GAB2: variants seen among roughly 807,000 people sequenced by gnomAD.
The protein encoded by GAB2 is GRB2 associated binding protein 2.
GAB2 carries 26 observed loss-of-function variants against 65.5 expected under a neutral mutation model. The ratio of observed to expected loss-of-function variants is 0.40; its 90% CI spans 0.29 to 0.55. The LOEUF (loss-of-function observed/expected upper bound fraction) is 0.55, where lower values mean the gene tolerates loss of function less well. GAB2 is among the 20% of genes least tolerant of loss of function. GAB2 has a pLI of 0.53. For synonymous variants in GAB2, 321 were observed against 329.6 expected, an observed-to-expected ratio of 0.97 and a Z score of 0.28; for missense variants, 884 against 875.8, an observed-to-expected ratio of 1.01 and a Z score of -0.12.
In GAB2 at chr11:78,250,043, T is replaced by A. The variant is rs879618937; in HGVS notation, c.620+114A>T. ...AAATTATGTTTTGTCATAGACGTGT[T>A]TGTCTACCTGAAACGATATAATGTT... On this transcript the variant is annotated intron_variant, in intron 3 of 9. Coordinates refer to ENST00000361507, the MANE Select transcript of GAB2 (RefSeq NM_080491.3). 11 of 1,099,026 alleles carry A rather than the reference T, an allele frequency of 1.0e-5. No individual in the cohort carries two copies. In the Admixed American group the frequency reaches 2.0e-4, roughly 20 times the overall value. 68.1% of individuals were successfully genotyped at this position (1,099,026 alleles called of 1,614,324 possible). A position where few individuals can be genotyped will look rare whatever the true frequency, so the allele number is the denominator to read the frequency against.
intron 3 of GAB2, among the ~76,000 whole-genome samples, chr11:78,240,521 G>C (rs1865102532): frequency 6.6e-6 from 1 of 152,126 alleles, no homozygotes; most frequent in South Asian, 2.1e-4. Context: ...TCTCCCTGGG[G>C]AGTAGAGTCA....
At chr11:78,232,436 G>A (rs1460365868) in intron 3 of GAB2, among the ~76,000 whole-genome samples, 1 of 152,164 alleles carries the variant, frequency 6.6e-6, no homozygotes, top group Non-Finnish European at 1.5e-5. Context: ...AAGGCTGGAG[G>A]ACAAAAATAA....
At chr11:78,306,380 G>A (rs571601663) in intron 1 of GAB2, among the ~76,000 whole-genome samples, 9 of 152,204 alleles carry the variant, frequency 5.9e-5, no homozygotes, top group Admixed American at 1.3e-4. Context: ...ACAGGCACAC[G>A]CCGCCACGCC....
At chr11:78,235,916 A>G (rs1485730420) in intron 3 of GAB2, among the ~76,000 whole-genome samples, 1 of 152,176 alleles carries the variant, frequency 6.6e-6, no homozygotes, top group Non-Finnish European at 1.5e-5. Flanking sequence ...TCTTTTCAGC[A>G]ACGCCCCACT....
At chr11:78,402,742 C>T (rs59624226) in intron 1 of GAB2, among the ~76,000 whole-genome samples, 6,786 of 152,172 alleles carry the variant, frequency 0.045, 463 homozygotes, top group African/African-American at 0.15. Context: ...TGAGCCACTG[C>T]GCCCGGCCAT....
Position 78,219,207 on chromosome 11 carries a change from A to G in GAB2, c.*65T>C, listed in dbSNP as rs1864294297. ...GATGGGAGGAAGAACGGGAGAGGGG[A>G]GAGGGGAGATGGGAAGGGCCAGCTC... On this transcript the variant is annotated 3_prime_UTR_variant, in exon 10 of 10. Coordinates refer to ENST00000361507, the MANE Select transcript of GAB2 (RefSeq NM_080491.3). 1.4e-6 allele frequency: 2 copies of G among 1,470,620 alleles called. No homozygotes were observed. The highest frequency in any genetic ancestry group is 4.6e-5 in the East Asian group (2 of 43,832). The allele number at this position is 1,470,620 out of a possible 1,614,324, so 91.1% of individuals were successfully genotyped here.
intron 1 of GAB2, among the ~76,000 whole-genome samples, chr11:78,294,250 A>AT (rs564265889): frequency 6.6e-6 from 1 of 152,060 alleles, no homozygotes; most frequent in African/African-American, 2.4e-5. Context: ...ACATGAACTC[A>AT]TTTTTTATGG....
chr11:78,282,092 A>T (rs1866351289), intron 1 of GAB2, among the ~76,000 whole-genome samples: 1 of 152,146 alleles, frequency 6.6e-6, no homozygotes, highest in South Asian at 2.1e-4. Flanking sequence ...AATGCCTTGT[A>T]CCTTACTAAG....
chr11:78,257,875 C>T (rs1290362380), intron 2 of GAB2, among the ~76,000 whole-genome samples: 1 of 151,726 alleles, frequency 6.6e-6, no homozygotes, highest in Non-Finnish European at 1.5e-5. Flanking sequence ...ACTCTGGGGT[C>T]ACACAGCCAG....
chr11:78,329,041 G>T (rs1391538621), intron 1 of GAB2, among the ~76,000 whole-genome samples: 2 of 152,128 alleles, frequency 1.3e-5, no homozygotes, highest in Non-Finnish European at 2.9e-5. Flanking sequence ...TAAAAAATAA[G>T]ATGCACAATG....
chr11:78,258,090 G>A (rs1323273304), intron 2 of GAB2, among the ~76,000 whole-genome samples: 1 of 152,184 alleles, frequency 6.6e-6, no homozygotes, highest in Non-Finnish European at 1.5e-5. Flanking sequence ...ATCTTCCCAA[G>A]CCTCACTGTC....
intron 1 of GAB2, among the ~76,000 whole-genome samples, chr11:78,404,046 ATAGT>A (rs548184631): frequency 1.3e-4 from 20 of 152,212 alleles, no homozygotes; most frequent in African/African-American, 4.6e-4. Context: ...GAACAGTATG[ATAGT>A]TCTTCAAAAA....
At chr11:78,399,805 T>C (rs549822199) in intron 1 of GAB2, among the ~76,000 whole-genome samples, 1 of 152,296 alleles carries the variant, frequency 6.6e-6, no homozygotes, top group South Asian at 2.1e-4. Flanking sequence ...TGTGCTAAGA[T>C]TTTTTTCACA....
chr11:78,322,797 T>TAAA (rs34497179), intron 1 of GAB2, among the ~76,000 whole-genome samples: 5 of 117,844 alleles, frequency 4.2e-5, no homozygotes, highest in African/African-American at 1.5e-4. Context: ...TACTGAAAAG[T>TAAA]AAAAAAAAAA....
intron 1 of GAB2, among the ~76,000 whole-genome samples, chr11:78,348,365 C>G (rs950151449): frequency 2.0e-5 from 3 of 152,136 alleles, no homozygotes; most frequent in Non-Finnish European, 4.4e-5. Context: ...GTATCCAGAT[C>G]ATAAAAGGAA....
intron 1 of GAB2, among the ~76,000 whole-genome samples, chr11:78,376,945 T>C (rs962251000): frequency 6.6e-6 from 1 of 152,178 alleles, no homozygotes; most frequent in Non-Finnish European, 1.5e-5. Context: ...GCTGTGAGTC[T>C]TGTAAGAGCT....
chr11:78,328,247 C>A (rs534054662), intron 1 of GAB2, among the ~76,000 whole-genome samples: 70 of 152,290 alleles, frequency 4.6e-4, no homozygotes, highest in Non-Finnish European at 1.3e-4. Context: ...AAACAATTTC[C>A]TGTTGCAGGG....
intron 2 of GAB2, among the ~76,000 whole-genome samples, chr11:78,270,333 T>TA (rs11358173): frequency 0.011 from 1,505 of 140,144 alleles, 17 homozygotes; most frequent in African/African-American, 0.03. Context: ...GACTCCGTCT[T>TA]AAAAAAAAAA....
chr11:78,362,899 T>A (rs955703198), intron 1 of GAB2, among the ~76,000 whole-genome samples: 16 of 151,742 alleles, frequency 1.1e-4, no homozygotes, highest in Middle Eastern at 6.8e-3. Context: ...AGATAAGAGG[T>A]TCAAAGGCCC....
Sources: allele counts gnomAD v4.1 joint callset (sites outside exome capture counted in the v4.1 genomes callset), GRCh38; gene constraint gnomAD v4.1.1; transcripts MANE v1.5; gene names NCBI Gene and HGNC (gene_info 2026-07-23, HGNC 2026-07-21).